Variants in PDE1A observed in about 807,000 individuals in gnomAD.
PDE1A encodes the protein phosphodiesterase 1A.
In PDE1A, 35 loss-of-function variants were observed where a neutral mutation model predicts 61.7. That is an observed-to-expected ratio of 0.57 (90% CI 0.43 to 0.75). The LOEUF (loss-of-function observed/expected upper bound fraction) is 0.75, where lower values mean the gene tolerates loss of function less well. Among genes scored for constraint, PDE1A ranks in the 30% least tolerant of loss-of-function variants. The pLI, the probability that PDE1A is intolerant of heterozygous loss-of-function variation, is 0.00. For missense variants in PDE1A, 597 were observed against 630.6 expected, an observed-to-expected ratio of 0.95 and a Z score of 0.57; for synonymous variants, 232 against 213.2, an observed-to-expected ratio of 1.09 and a Z score of -0.77.
the PDE1A span, among the ~76,000 whole-genome samples, chr2:182,636,812 C>G: frequency 6.6e-6 from 1 of 152,160 alleles, no homozygotes; most frequent in Non-Finnish European, 1.5e-5. Flanking sequence ...CCAGCTCAGT[C>G]AGGTTGCTGG....
intron 2 of PDE1A, among the ~76,000 whole-genome samples, chr2:182,482,487 A>G (rs918730674): frequency 6.6e-6 from 1 of 151,996 alleles, no homozygotes; most frequent in African/African-American, 2.4e-5. Flanking sequence ...ATGAAGGAGT[A>G]AAAGGATCAC....
chr2:182,272,977 G>A (rs1239089582), intron 1 of PDE1A, among the ~76,000 whole-genome samples: 1 of 152,054 alleles, frequency 6.6e-6, no homozygotes, highest in African/African-American at 2.4e-5. Context: ...GAACATTAGA[G>A]TAAGGAAGTT....
At chr2:182,273,332 T>C (rs1248821432) in intron 1 of PDE1A, among the ~76,000 whole-genome samples, 1 of 151,982 alleles carries the variant, frequency 6.6e-6, no homozygotes, top group Non-Finnish European at 1.5e-5. Flanking sequence ...AATAAAAAGA[T>C]GTCAAAATTC....
At chr2:182,332,113 T>C (rs2124953646) in intron 1 of PDE1A, among the ~76,000 whole-genome samples, 1 of 152,336 alleles carries the variant, frequency 6.6e-6, no homozygotes, top group East Asian at 1.9e-4. Context: ...CTTCAATCTA[T>C]GATATCCTTT....
chr2:182,613,537 T>A, the PDE1A span, among the ~76,000 whole-genome samples: 1 of 149,598 alleles, frequency 6.7e-6, no homozygotes, highest in Admixed American at 6.8e-5. Flanking sequence ...TACTCCAGCC[T>A]GGGCGACAGA....
chr2:182,484,735 T>C (rs1219831377), intron 2 of PDE1A, among the ~76,000 whole-genome samples: 1 of 151,682 alleles, frequency 6.6e-6, no homozygotes, highest in African/African-American at 2.4e-5. Context: ...AAAGAAGACA[T>C]ACATGCAGCC....
At chr2:182,178,633 A>T (rs1436078819) in intron 13 of PDE1A, among the ~76,000 whole-genome samples, 1 of 152,086 alleles carries the variant, frequency 6.6e-6, no homozygotes, top group African/African-American at 2.4e-5. Context: ...AGCATTCTGA[A>T]CAAGGTGGGT....
At chr2:182,532,554 T>C in the PDE1A span, among the ~76,000 whole-genome samples, 1 of 152,144 alleles carries the variant, frequency 6.6e-6, no homozygotes, top group African/African-American at 2.4e-5. Flanking sequence ...TAAATGGACA[T>C]AAGGATCTTA....
intron 2 of PDE1A, among the ~76,000 whole-genome samples, chr2:182,252,239 T>A (rs1424972062): frequency 6.6e-6 from 1 of 152,248 alleles, no homozygotes; most frequent in African/African-American, 2.4e-5. Flanking sequence ...CTTATTTTGA[T>A]GCATATGTTG....
chr2:182,329,552 G>A (rs1379974791), intron 1 of PDE1A, among the ~76,000 whole-genome samples: 1 of 152,042 alleles, frequency 6.6e-6, no homozygotes, highest in Non-Finnish European at 1.5e-5. Context: ...AGCAGCCCGA[G>A]CTAATTTTTT....
chr2:182,439,403 C>T (rs1188149595), intron 2 of PDE1A, among the ~76,000 whole-genome samples: 2 of 151,858 alleles, frequency 1.3e-5, no homozygotes, highest in Admixed American at 1.3e-4. Context: ...GAAGTAAAGT[C>T]CCAAGAACAA....
At chr2:182,676,577 C>T in the PDE1A span, among the ~76,000 whole-genome samples, 5 of 152,128 alleles carry the variant, frequency 3.3e-5, no homozygotes, top group Non-Finnish European at 7.4e-5. Flanking sequence ...AGGCCAGCAT[C>T]ATCCTGATAC....
chr2:182,148,774 C>T (rs1010398230), intron 13 of PDE1A, among the ~76,000 whole-genome samples: 1 of 152,198 alleles, frequency 6.6e-6, no homozygotes, highest in African/African-American at 2.4e-5. Context: ...GAACTAGATT[C>T]CATTCTCAAT....
chr2:182,303,621 GC>G (rs1317848028), intron 1 of PDE1A, among the ~76,000 whole-genome samples: 1 of 152,160 alleles, frequency 6.6e-6, no homozygotes, highest in Non-Finnish European at 1.5e-5. Context: ...AGCTGCATTA[GC>G]CCCTAATAGT....
the PDE1A span, among the ~76,000 whole-genome samples, chr2:182,637,090 A>G: frequency 6.6e-6 from 1 of 152,228 alleles, no homozygotes. Flanking sequence ...ACAACCCAGG[A>G]TAATCTTCCT....
At chr2:182,530,340 G>A in the PDE1A span, among the ~76,000 whole-genome samples, 1 of 1,930 alleles carries the variant, frequency 5.2e-4, no homozygotes, top group African/African-American at 7.9e-3. Context: ...GATGCCAGAT[G>A]AAAAGCAGGG....
intron 13 of PDE1A, among the ~76,000 whole-genome samples, chr2:182,173,193 C>A (rs1162095441): frequency 6.6e-6 from 1 of 151,940 alleles, no homozygotes; most frequent in Non-Finnish European, 1.5e-5. Flanking sequence ...AAGTGTTCTA[C>A]CTAGACCTTC....
intron 1 of PDE1A, among the ~76,000 whole-genome samples, chr2:182,290,524 T>A (rs1694458018): frequency 6.6e-6 from 1 of 151,988 alleles, no homozygotes; most frequent in African/African-American, 2.4e-5. Flanking sequence ...CAGATGAGTC[T>A]CTGCCCTATA....
chr2:182,575,345 A>G, the PDE1A span, among the ~76,000 whole-genome samples: 1 of 151,924 alleles, frequency 6.6e-6, no homozygotes, highest in African/African-American at 2.4e-5. Flanking sequence ...GTCTGGGTCA[A>G]TCACCCCAGC....
Sources: gnomAD v4.1 joint callset for allele counts (sites outside exome capture counted in the v4.1 genomes callset) on GRCh38, gnomAD v4.1.1 for gene constraint, MANE v1.5 for transcripts, NCBI Gene and HGNC (gene_info 2026-07-23, HGNC 2026-07-21) for gene names.